CDH18: variants seen among roughly 807,000 people sequenced by gnomAD.
CDH18 encodes the protein cadherin 18.
Under a neutral mutation model 67.9 loss-of-function variants are expected in CDH18, and 31 were observed. The ratio of observed to expected loss-of-function variants is 0.46; its 90% CI spans 0.34 to 0.62. The LOEUF is 0.62. CDH18 is among the 20% of genes least tolerant of loss of function. CDH18 has a pLI of 0.01. For missense variants in CDH18, 890 were observed against 975.5 expected, an observed-to-expected ratio of 0.91 and a Z score of 1.17; for synonymous variants, 362 against 347.2, an observed-to-expected ratio of 1.04 and a Z score of -0.48.
chr5:20,420,901 G>A (rs1006112324), intron 1 of CDH18, among the ~76,000 whole-genome samples: 2 of 151,172 alleles, frequency 1.3e-5, no homozygotes, highest in African/African-American at 4.9e-5. Context: ...CATAGTTACT[G>A]CTTTTTCACG....
At chr5:19,892,675 T>G (rs1341477224) in intron 2 of CDH18, among the ~76,000 whole-genome samples, 1 of 152,078 alleles carries the variant, frequency 6.6e-6, no homozygotes, top group Non-Finnish European at 1.5e-5. Flanking sequence ...TTGTTCACTC[T>G]GTGGAAAGCC....
At chr5:19,620,087 G>A (rs1750456865) in intron 5 of CDH18, among the ~76,000 whole-genome samples, 1 of 152,168 alleles carries the variant, frequency 6.6e-6, no homozygotes, top group Admixed American at 6.6e-5. Flanking sequence ...ATGACTCATG[G>A]AATTAGCAAT....
chr5:19,955,858 C>T (rs955941108), intron 2 of CDH18, among the ~76,000 whole-genome samples: 1 of 151,876 alleles, frequency 6.6e-6, no homozygotes, highest in African/African-American at 2.4e-5. Flanking sequence ...AACTTGCTGA[C>T]CAGGATGTTA....
chr5:19,973,678 AC>A (rs1251978982), intron 2 of CDH18, among the ~76,000 whole-genome samples: 11 of 152,192 alleles, frequency 7.2e-5, no homozygotes, highest in Non-Finnish European at 1.2e-4. Context: ...CAAGAAGCTT[AC>A]CATAAAAAAT....
At chr5:20,375,241 T>C (rs1743320742) in intron 1 of CDH18, among the ~76,000 whole-genome samples, 1 of 152,208 alleles carries the variant, frequency 6.6e-6, no homozygotes, top group Non-Finnish European at 1.5e-5. Flanking sequence ...TTAACCATTC[T>C]CTTTCAAAGT....
intron 1 of CDH18, among the ~76,000 whole-genome samples, chr5:20,378,602 A>T (rs1743658173): frequency 6.6e-6 from 1 of 152,186 alleles, no homozygotes; most frequent in South Asian, 2.1e-4. Flanking sequence ...TGTAGGAAAC[A>T]ATAAAAATTA....
intron 2 of CDH18, among the ~76,000 whole-genome samples, chr5:19,949,363 T>C (rs1332264761): frequency 2.0e-5 from 3 of 152,154 alleles, no homozygotes; most frequent in Non-Finnish European, 2.9e-5. Flanking sequence ...CCTCTGGACA[T>C]AATATTTCAT....
chr5:19,638,029 C>T (rs1753417381), intron 5 of CDH18, among the ~76,000 whole-genome samples: 1 of 152,222 alleles, frequency 6.6e-6, no homozygotes, highest in African/African-American at 2.4e-5. Context: ...TTCACAACTT[C>T]TGACAGCTAG....
intron 2 of CDH18, among the ~76,000 whole-genome samples, chr5:19,910,638 A>G (rs910449984): frequency 1.3e-5 from 2 of 152,172 alleles, no homozygotes; most frequent in African/African-American, 4.8e-5. Flanking sequence ...CTAAGAATTC[A>G]TTGTAGCACA....
At chr5:20,119,874 A>G (rs1748210466) in intron 2 of CDH18, among the ~76,000 whole-genome samples, 1 of 152,012 alleles carries the variant, frequency 6.6e-6, no homozygotes, top group Admixed American at 6.6e-5. Context: ...AATTGTAGTT[A>G]TATATTAAAA....
At position 19,812,588 on chromosome 5, in the gene CDH18, A is replaced by G. The variant is rs1002231912; in HGVS notation, c.228+26171T>C. On this transcript the variant is annotated intron_variant, in intron 3 of 12. Coordinates refer to ENST00000382275, the MANE Select transcript of CDH18 (RefSeq NM_004934.5). ...ACTCCAGTAGACGTCATTACAGGAG[A>G]ACAAAAGAACAACAAACAAAACAAG... Among the ~76,000 whole-genome samples the G allele has an allele frequency of 2.4e-4, 36 of 152,306 alleles. 2 individuals carry two copies. The highest frequency in any genetic ancestry group is 2.0e-3 in the Admixed American group (30 of 15,300).
chr5:20,289,337 AG>A (rs1222258796), intron 1 of CDH18, among the ~76,000 whole-genome samples: 2 of 152,074 alleles, frequency 1.3e-5, no homozygotes, highest in Non-Finnish European at 2.9e-5. Flanking sequence ...TACAATTAGT[AG>A]TTAATCATAG....
At chr5:19,726,334 CTACA>C (rs1484331029) in intron 4 of CDH18, among the ~76,000 whole-genome samples, 5 of 152,272 alleles carry the variant, frequency 3.3e-5, no homozygotes, top group African/African-American at 1.2e-4. Flanking sequence ...TCATTAACAG[CTACA>C]TACATTTCTG....
At chr5:19,771,029 T>C (rs1773669168) in intron 3 of CDH18, among the ~76,000 whole-genome samples, 1 of 152,208 alleles carries the variant, frequency 6.6e-6, no homozygotes, top group Non-Finnish European at 1.5e-5. Context: ...CATGAGATTC[T>C]GGACTTTGAG....
At chr5:20,489,770 C>T (rs1466063080) in intron 1 of CDH18, among the ~76,000 whole-genome samples, 1 of 151,816 alleles carries the variant, frequency 6.6e-6, no homozygotes, top group Non-Finnish European at 1.5e-5. Flanking sequence ...TGTTTTCAAA[C>T]ATTGAAGTTC....
At chr5:19,676,950 C>T (rs1473870540) in intron 5 of CDH18, among the ~76,000 whole-genome samples, 4 of 152,066 alleles carry the variant, frequency 2.6e-5, no homozygotes, top group Non-Finnish European at 4.4e-5. Context: ...CACTCCTGCT[C>T]TAAAACTTCC....
At chr5:19,840,587 A>G (rs953447340) in intron 2 of CDH18, among the ~76,000 whole-genome samples, 1 of 152,048 alleles carries the variant, frequency 6.6e-6, no homozygotes, top group African/African-American at 2.4e-5. Context: ...CTGTAATCCC[A>G]GCTACTCGAG....
intron 1 of CDH18, among the ~76,000 whole-genome samples, chr5:20,288,737 A>G (rs1472572819): frequency 6.6e-6 from 1 of 151,864 alleles, no homozygotes; most frequent in African/African-American, 2.4e-5. Flanking sequence ...AAAACTGTAC[A>G]CTTACATGCA....
At chr5:20,552,678 CTT>C (rs1278045306) in intron 1 of CDH18, among the ~76,000 whole-genome samples, 1 of 151,848 alleles carries the variant, frequency 6.6e-6, no homozygotes, top group Non-Finnish European at 1.5e-5. Context: ...AGATAACTAT[CTT>C]ATATTTTTAC....
Sources: allele counts gnomAD v4.1 joint callset (sites outside exome capture counted in the v4.1 genomes callset), GRCh38; gene constraint gnomAD v4.1.1; transcripts MANE v1.5; gene names NCBI Gene and HGNC (gene_info 2026-07-23, HGNC 2026-07-21).